KCNK2: variants seen among roughly 807,000 people sequenced by gnomAD.
KCNK2 encodes potassium two pore domain channel subfamily K member 2.
KCNK2 carries 21 observed loss-of-function variants against 40.5 expected under a neutral mutation model. That is an observed-to-expected ratio of 0.52 (90% confidence interval 0.37 to 0.75). The LOEUF is 0.75. Among genes scored for constraint, KCNK2 ranks in the 30% least tolerant of loss-of-function variants. The pLI, the probability that KCNK2 is intolerant of heterozygous loss-of-function variation, is 0.00. For missense variants in KCNK2, 399 were observed against 531.6 expected, an observed-to-expected ratio of 0.75 and a Z score of 2.45; for synonymous variants, 191 against 202.2, an observed-to-expected ratio of 0.94 and a Z score of 0.47.
chr1:215,069,081 G>A (rs953298729), intron 1 of KCNK2, among the ~76,000 whole-genome samples: 5 of 152,194 alleles, frequency 3.3e-5, no homozygotes, highest in African/African-American at 4.8e-5. Flanking sequence ...GATAGCAGCA[G>A]TACAAATGTA....
At chr1:215,161,023 A>G (rs75889673) in intron 3 of KCNK2, among the ~76,000 whole-genome samples, 7,366 of 152,198 alleles carry the variant, frequency 0.048, 198 homozygotes, top group Middle Eastern at 0.13. Context: ...TGCCGAGATC[A>G]TCCATTACTC....
intron 1 of KCNK2, among the ~76,000 whole-genome samples, chr1:215,055,628 A>C (rs1658132124): frequency 6.6e-6 from 1 of 152,210 alleles, no homozygotes; most frequent in South Asian, 2.1e-4. Context: ...CCACTTGAAT[A>C]AAGAGAAAGT....
At chr1:215,208,828 A>G (rs956104831) in intron 6 of KCNK2, among the ~76,000 whole-genome samples, 4 of 151,748 alleles carry the variant, frequency 2.6e-5, no homozygotes, top group Non-Finnish European at 4.4e-5. Context: ...CCCTTTGCCT[A>G]TTCTTCTGTT....
chr1:215,087,520 C>T (rs1336004800), intron 2 of KCNK2, among the ~76,000 whole-genome samples: 3 of 152,126 alleles, frequency 2.0e-5, no homozygotes, highest in South Asian at 4.1e-4. Flanking sequence ...TTGGTCAAAT[C>T]GGGATCTTAG....
chr1:215,167,148 C>T (rs1205644355), intron 3 of KCNK2, among the ~76,000 whole-genome samples: 2 of 152,064 alleles, frequency 1.3e-5, no homozygotes, highest in South Asian at 2.1e-4. Flanking sequence ...ACCCTCACTC[C>T]ATGTTCTTTT....
At chr1:215,146,803 T>C (rs1298650542) in intron 3 of KCNK2, among the ~76,000 whole-genome samples, 1 of 152,192 alleles carries the variant, frequency 6.6e-6, no homozygotes, top group East Asian at 1.9e-4. Flanking sequence ...TTGTACACAT[T>C]ACTTCACTTC....
intron 2 of KCNK2, among the ~76,000 whole-genome samples, chr1:215,114,102 C>T (rs1660820544): frequency 6.6e-6 from 1 of 152,086 alleles, no homozygotes; most frequent in Non-Finnish European, 1.5e-5. Flanking sequence ...CCAACATAAA[C>T]ATATTCTTGG....
At chr1:215,177,735 TA>T (rs1286527140) in intron 5 of KCNK2, among the ~76,000 whole-genome samples, 10 of 64,976 alleles carry the variant, frequency 1.5e-4, no homozygotes, top group Admixed American at 2.7e-4. Context: ...TATATATATA[TA>T]TATATTTTTT....
chr1:215,056,790 G>A (rs539574968), intron 1 of KCNK2, among the ~76,000 whole-genome samples: 1 of 151,918 alleles, frequency 6.6e-6, no homozygotes, highest in South Asian at 2.1e-4. Flanking sequence ...TGTACATGGG[G>A]TAAAAAGTTC....
chr1:215,074,022 A>G (rs1244048533), intron 1 of KCNK2, among the ~76,000 whole-genome samples: 1 of 152,198 alleles, frequency 6.6e-6, no homozygotes, highest in Non-Finnish European at 1.5e-5. Flanking sequence ...AGTGTGGAAA[A>G]TGGACTGGAG....
intron 2 of KCNK2, among the ~76,000 whole-genome samples, chr1:215,118,729 G>A (rs767992427): frequency 9.9e-5 from 15 of 151,962 alleles, no homozygotes; most frequent in African/African-American, 9.7e-5. Flanking sequence ...GAGAAAAAGC[G>A]GAAAAAATCT....
At chr1:215,127,323 T>C (rs373413586) in intron 3 of KCNK2, among the ~76,000 whole-genome samples, 1 of 152,156 alleles carries the variant, frequency 6.6e-6, no homozygotes, top group African/African-American at 2.4e-5. Context: ...AAGGAAGTTA[T>C]ACAAAATAAA....
intron 1 of KCNK2, among the ~76,000 whole-genome samples, chr1:215,066,370 A>G (rs929872773): frequency 2.6e-5 from 4 of 152,176 alleles, no homozygotes; most frequent in African/African-American, 9.7e-5. Context: ...AAGTCTACCA[A>G]ATTTACCCCT....
intron 1 of KCNK2, among the ~76,000 whole-genome samples, chr1:215,025,589 A>G (rs900240603): frequency 1.3e-5 from 2 of 151,914 alleles, no homozygotes; most frequent in African/African-American, 4.8e-5. Flanking sequence ...ATGTGCATAC[A>G]TATACACATA....
chr1:215,029,260 C>A (rs927408560), intron 1 of KCNK2, among the ~76,000 whole-genome samples: 4 of 151,956 alleles, frequency 2.6e-5, no homozygotes, highest in Admixed American at 6.6e-5. Flanking sequence ...CCTAAAAATT[C>A]TCTGTATTTC....
At chr1:215,034,879 A>G (rs1657332064) in intron 1 of KCNK2, among the ~76,000 whole-genome samples, 2 of 152,144 alleles carry the variant, frequency 1.3e-5, no homozygotes, top group Non-Finnish European at 2.9e-5. Context: ...ATATTTTAAA[A>G]TATACATGCA....
intron 1 of KCNK2, among the ~76,000 whole-genome samples, chr1:215,051,741 C>G (rs1334917745): frequency 6.6e-6 from 1 of 152,030 alleles, no homozygotes; most frequent in Non-Finnish European, 1.5e-5. Context: ...CCGTATATGG[C>G]TAGAGTGAAG....
At chr1:215,046,832 GGAAGTATT>G (rs764124404) in intron 1 of KCNK2, among the ~76,000 whole-genome samples, 7 of 152,104 alleles carry the variant, frequency 4.6e-5, no homozygotes, top group Non-Finnish European at 1.0e-4. Flanking sequence ...TTTGATCCAA[GGAAGTATT>G]GAAGTTTGAG....
At chr1:215,072,862 CT>C (rs1658803180) in intron 1 of KCNK2, among the ~76,000 whole-genome samples, 1 of 152,108 alleles carries the variant, frequency 6.6e-6, no homozygotes, top group Non-Finnish European at 1.5e-5. Context: ...ATGTTATGGG[CT>C]GAGTTTTGTC....
Sources: gnomAD v4.1 joint callset for allele counts (sites outside exome capture counted in the v4.1 genomes callset) on GRCh38, gnomAD v4.1.1 for gene constraint, MANE v1.5 for transcripts, NCBI Gene and HGNC (gene_info 2026-07-23, HGNC 2026-07-21) for gene names.